Variants in POLD3 observed in about 807,000 individuals in gnomAD.
The protein encoded by POLD3 is DNA polymerase delta 3, accessory subunit.
A neutral mutation model predicts 58.2 loss-of-function variants in POLD3; 19 were observed. The observed-to-expected ratio is 0.33, with a 90% CI of 0.23 to 0.48. The LOEUF is 0.48. POLD3 is among the 20% of genes least tolerant of loss of function. The probability of loss-of-function intolerance (pLI) is 0.99; values close to 1 mark genes in which losing one functional copy is unlikely to be tolerated. For missense variants in POLD3, 504 were observed against 545.5 expected, an observed-to-expected ratio of 0.92 and a Z score of 0.76; for synonymous variants, 172 against 193.5, an observed-to-expected ratio of 0.89 and a Z score of 0.92.
chr11:74,637,435 C>CTTTTTTTTTTTTTTTTTTTTCTTT (rs5792663), intron 11 of POLD3, among the ~76,000 whole-genome samples: 1 of 115,474 alleles, frequency 8.7e-6, no homozygotes, highest in Non-Finnish European at 1.7e-5. Context: ...CTTTTTCTTC[C>CTTTTTTTTTTTTTTTTTTTTCTTT]TTTTTTTTTT....
chr11:74,667,826 G>A (rs11825804), intron 4 of POLD3, among the ~76,000 whole-genome samples: 60,595 of 152,130 alleles, frequency 0.4, 13,716 homozygotes, highest in Non-Finnish European at 0.51. Flanking sequence ...TTTCTGACAA[G>A]AGAATTATAT....
chr11:74,627,220 A>C (rs1811042266), intron 8 of POLD3, among the ~76,000 whole-genome samples: 1 of 152,158 alleles, frequency 6.6e-6, no homozygotes, highest in East Asian at 1.9e-4. Context: ...ATGATCATTG[A>C]TGATCCTGAC....
intron 1 of POLD3, among the ~76,000 whole-genome samples, chr11:74,593,506 G>T (rs1385858365): frequency 6.6e-6 from 1 of 152,208 alleles, no homozygotes; most frequent in Non-Finnish European, 1.5e-5. Context: ...AAGAGACTTT[G>T]AGAGAAGAGA....
intron 4 of POLD3, among the ~76,000 whole-genome samples, chr11:74,654,699 A>T (rs1354172634): frequency 1.3e-5 from 2 of 152,138 alleles, no homozygotes; most frequent in African/African-American, 2.4e-5. Context: ...CACCATAGTA[A>T]TTGTGCTACA....
chr11:74,636,573 G>A (rs2032756450), intron 11 of POLD3, among the ~76,000 whole-genome samples: 1 of 152,158 alleles, frequency 6.6e-6, no homozygotes, highest in Non-Finnish European at 1.5e-5. Flanking sequence ...GCCTAAATGT[G>A]CAGTTATGAA....
chr11:74,612,561 T>TAAGG (rs1181551097), intron 4 of POLD3, among the ~76,000 whole-genome samples: 1 of 152,212 alleles, frequency 6.6e-6, no homozygotes, highest in Non-Finnish European at 1.5e-5. Context: ...TGCTATAGTG[T>TAAGG]AAGGCTCTTT....
chr11:74,620,727 A>G (rs1366466411), intron 7 of POLD3, among the ~76,000 whole-genome samples: 1 of 152,234 alleles, frequency 6.6e-6, no homozygotes, highest in African/African-American at 2.4e-5. Flanking sequence ...TCAAGTGTAC[A>G]TCCCCTGAGA....
chr11:74,599,670 T>TA (rs2031413875), intron 2 of POLD3, among the ~76,000 whole-genome samples: 1 of 150,490 alleles, frequency 6.6e-6, no homozygotes, highest in Non-Finnish European at 1.5e-5. Flanking sequence ...CCTCATACTG[T>TA]TTTTTTTTAG....
chr11:74,634,777 C>A, intron 10 of POLD3, 82 bp downstream of exon 10: 1 of 807,124 alleles, frequency 1.2e-6, no homozygotes, highest in South Asian at 1.4e-5. Context: ...AATTAGTTCC[C>A]TTGCTGTATA....
chr11:74,604,542 TC>T, intron 2 of POLD3, 149 bp from the exon 3 acceptor site: 2 of 585,332 alleles, frequency 3.4e-6, no homozygotes, highest in East Asian at 5.7e-5. Flanking sequence ...TTTTTTTTTT[TC>T]AACTGTCCAT....
chr11:74,617,009 G>T (rs902032900), intron 5 of POLD3, among the ~76,000 whole-genome samples: 1 of 152,102 alleles, frequency 6.6e-6, no homozygotes. Context: ...CTTGAGCTGG[G>T]TGCCTGAAAT....
intron 3 of POLD3, among the ~76,000 whole-genome samples, chr11:74,606,133 A>G (rs1277814132): frequency 1.3e-5 from 2 of 152,202 alleles, no homozygotes; most frequent in South Asian, 2.1e-4. Flanking sequence ...GAGGGATCCT[A>G]TCCTTATACT....
intron 3 of POLD3, among the ~76,000 whole-genome samples, chr11:74,610,082 A>G (rs1189145510): frequency 6.6e-6 from 1 of 151,886 alleles, no homozygotes; most frequent in East Asian, 1.9e-4. Flanking sequence ...GCCAAATATC[A>G]CTCTGCTTCT....
chr11:74,643,941 C>G (rs2032968398), downstream of POLD3, among the ~76,000 whole-genome samples: 1 of 152,170 alleles, frequency 6.6e-6, no homozygotes, highest in Non-Finnish European at 1.5e-5. Flanking sequence ...TAGACAATTG[C>G]AGTGTTTCCC....
intron 4 of POLD3, among the ~76,000 whole-genome samples, chr11:74,659,847 C>T (rs1284174498): frequency 2.6e-5 from 4 of 152,230 alleles, no homozygotes; most frequent in Non-Finnish European, 5.9e-5. Context: ...AACTTTTCCA[C>T]ATTTTTCTGT....
Position 74,611,492 on chromosome 11 carries a change from C to A in POLD3, c.220-7C>A, listed in dbSNP as rs751694881. 2.0e-6 allele frequency: 3 copies of A among 1,535,708 alleles called. No individual in the cohort carries two copies. The highest frequency in any genetic ancestry group is 2.8e-5 in the African/African-American group (2 of 72,442). On this transcript the variant is annotated splice_region_variant and splice_polypyrimidine_tract_variant and intron_variant, in intron 3 of 11. Coordinates refer to ENST00000263681, the MANE Select transcript of POLD3 (RefSeq NM_006591.3). Reference sequence around the variant, plus strand: ...TTAAGCACTAATAAAGTGTTATTTTCTTACAGTGCCACAAGGTTGCAGTAG... The same window carrying A: ...TTAAGCACTAATAAAGTGTTATTTTATTACAGTGCCACAAGGTTGCAGTAG...
chr11:74,629,748 G>T (rs1393737103), intron 9 of POLD3, among the ~76,000 whole-genome samples: 2 of 151,996 alleles, frequency 1.3e-5, no homozygotes, highest in Admixed American at 1.3e-4. Flanking sequence ...TGTTAGAAGG[G>T]AATGACACTG....
chr11:74,633,133 G>A (rs1178581922), intron 9 of POLD3, among the ~76,000 whole-genome samples: 1 of 152,136 alleles, frequency 6.6e-6, no homozygotes, highest in African/African-American at 2.4e-5. Flanking sequence ...GTTTATTACT[G>A]TGAGTCTCAA....
At chr11:74,618,456 T>G in intron 5 of POLD3, 81 bp from the exon 6 acceptor site, 2 of 942,634 alleles carry the variant, frequency 2.1e-6, no homozygotes, top group Non-Finnish European at 3.2e-6. Flanking sequence ...ATACTGACAT[T>G]AGTTTTTTTT....
Sources: gnomAD v4.1 joint callset for allele counts (sites outside exome capture counted in the v4.1 genomes callset) on GRCh38, gnomAD v4.1.1 for gene constraint, MANE v1.5 for transcripts, NCBI Gene and HGNC (gene_info 2026-07-23, HGNC 2026-07-21) for gene names.